The following CEP63 variants were observed in gnomAD, a reference collection of about 807,000 sequenced individuals.
The protein encoded by CEP63 is centrosomal protein of 63 kDa.
In CEP63, 84 loss-of-function variants were observed where a neutral mutation model predicts 89.1. The observed-to-expected ratio is 0.94, with a 90% CI of 0.79 to 1.13. CEP63 has a LOEUF of 1.13. CEP63 is among the 50% of genes most tolerant of loss of function. The pLI, the probability that CEP63 is intolerant of heterozygous loss-of-function variation, is 0.00. For synonymous variants in CEP63, 267 were observed against 272.5 expected (o/e 0.98, Z 0.20); for missense variants, 838 against 813.3 (o/e 1.03, Z -0.37).
chr3:134,587,415 C>G (rs1035447004), intron 10 of CEP63, among the ~76,000 whole-genome samples: 3 of 152,264 alleles, frequency 2.0e-5, no homozygotes, highest in South Asian at 4.1e-4. Flanking sequence ...GATGTTATTC[C>G]TTCCTGTTTA....
the CEP63 span, among the ~76,000 whole-genome samples, chr3:134,763,388 CTA>C: frequency 2.0e-5 from 3 of 152,110 alleles, no homozygotes; most frequent in Admixed American, 2.0e-4. Flanking sequence ...TGGTTCAGGG[CTA>C]TGTTACGGAA....
chr3:134,770,568 T>A, the CEP63 span, among the ~76,000 whole-genome samples: 1 of 152,266 alleles, frequency 6.6e-6, no homozygotes, highest in Admixed American at 6.5e-5. Flanking sequence ...CAATTTAACT[T>A]GTTTCTCCTT....
the CEP63 span, chr3:134,604,353 C>T: frequency 3.7e-6 from 6 of 1,613,846 alleles, no homozygotes; most frequent in Admixed American, 3.3e-5. Context: ...TTGGAGGGTA[C>T]ACCTCCAACT....
chr3:134,672,889 C>T, the CEP63 span, among the ~76,000 whole-genome samples: 2 of 152,206 alleles, frequency 1.3e-5, no homozygotes, highest in East Asian at 3.8e-4. Flanking sequence ...GAGTGTTTAG[C>T]AATGCAGCTC....
At chr3:134,496,543 A>G (rs146314999) in intron 2 of CEP63, among the ~76,000 whole-genome samples, 18 of 152,294 alleles carry the variant, frequency 1.2e-4, no homozygotes, top group African/African-American at 3.8e-4. Context: ...TTGGTGACAG[A>G]TGCCAGGTGC....
the CEP63 span, among the ~76,000 whole-genome samples, chr3:134,619,614 C>T: frequency 6.6e-6 from 1 of 152,212 alleles, no homozygotes; most frequent in South Asian, 2.1e-4. Context: ...CGTTTTCCTG[C>T]AGCCCGAAGG....
chr3:134,610,487 C>T, the CEP63 span: 2 of 943,642 alleles, frequency 2.1e-6, no homozygotes, highest in Non-Finnish European at 3.2e-6. Context: ...CATCAGTCCT[C>T]CCTGTCTATC....
At chr3:134,685,073 A>C in the CEP63 span, among the ~76,000 whole-genome samples, 1 of 152,210 alleles carries the variant, frequency 6.6e-6, no homozygotes, top group Non-Finnish European at 1.5e-5. Context: ...TCTAACATAA[A>C]TATTTTTTTC....
downstream of CEP63, among the ~76,000 whole-genome samples, chr3:134,577,047 AC>A (rs1958230853): frequency 6.6e-6 from 1 of 152,168 alleles, no homozygotes; most frequent in Non-Finnish European, 1.5e-5. Context: ...ATGTCCTGGG[AC>A]CATGATGCAT....
At chr3:134,487,295 T>C (rs377367355) in intron 1 of CEP63, among the ~76,000 whole-genome samples, 1 of 152,206 alleles carries the variant, frequency 6.6e-6, no homozygotes, top group East Asian at 1.9e-4. Context: ...TGAGTTTGCT[T>C]TTTGACTGTG....
chr3:134,602,666 G>C, the CEP63 span, among the ~76,000 whole-genome samples: 1 of 152,148 alleles, frequency 6.6e-6, no homozygotes, highest in African/African-American at 2.4e-5. Context: ...AGCCTCTGGA[G>C]GCTCTCTGTG....
At chr3:134,695,972 A>G in the CEP63 span, among the ~76,000 whole-genome samples, 2 of 152,238 alleles carry the variant, frequency 1.3e-5, no homozygotes, top group Middle Eastern at 3.2e-3. Context: ...GCCTAAGGAC[A>G]CATAGCTAGT....
chr3:134,579,681 T>C (rs1958298463), downstream of CEP63, among the ~76,000 whole-genome samples: 1 of 152,224 alleles, frequency 6.6e-6, no homozygotes, highest in Non-Finnish European at 1.5e-5. Context: ...TTCAACACAG[T>C]AATTCTACTG....
At chr3:134,584,970 T>TTTTTTTTTTTTTTTTTC (rs1553799248) in intron 10 of CEP63, among the ~76,000 whole-genome samples, 13 of 45,322 alleles carry the variant, frequency 2.9e-4, no homozygotes, top group Non-Finnish European at 6.7e-4. Context: ...TTTTTTTTTT[T>TTTTTTTTTTTTTTTTTC]TTTTGCATGG....
At chr3:134,621,514 A>G in the CEP63 span, among the ~76,000 whole-genome samples, 1 of 152,208 alleles carries the variant, frequency 6.6e-6, no homozygotes, top group Admixed American at 6.5e-5. Flanking sequence ...GAGTTTCCAC[A>G]TGCAAAAGAA....
intron 9 of CEP63, among the ~76,000 whole-genome samples, chr3:134,548,134 C>A (rs1018294922): frequency 6.6e-6 from 1 of 152,170 alleles, no homozygotes; most frequent in Non-Finnish European, 1.5e-5. Context: ...TGTAACATCA[C>A]CCATCTGGGG....
the CEP63 span, among the ~76,000 whole-genome samples, chr3:134,612,787 G>GTGTGTGTGTGTGTGTT: frequency 1.3e-5 from 2 of 151,458 alleles, no homozygotes; most frequent in African/African-American, 2.4e-5. Context: ...GTGTGTGTGT[G>GTGTGTGTGTGTGTGTT]TGTGTGTGTT....
chr3:134,574,538 A>G (rs1958145717), intron 11 of CEP63, among the ~76,000 whole-genome samples: 2 of 152,194 alleles, frequency 1.3e-5, no homozygotes, highest in Admixed American at 6.5e-5. Context: ...TCAAATTAGC[A>G]TTTCTCATTA....
chr3:134,584,154 T>A (rs894780584), intron 10 of CEP63, among the ~76,000 whole-genome samples: 1 of 152,190 alleles, frequency 6.6e-6, no homozygotes, highest in African/African-American at 2.4e-5. Flanking sequence ...TTTTCCTAAT[T>A]GAATACCCTT....
Sources: allele counts gnomAD v4.1 joint callset (sites outside exome capture counted in the v4.1 genomes callset), GRCh38; gene constraint gnomAD v4.1.1; transcripts MANE v1.5; gene names NCBI Gene and HGNC (gene_info 2026-07-23, HGNC 2026-07-21).